ABI3BP: variants seen among roughly 807,000 people sequenced by gnomAD.
ABI3BP encodes ABI family member 3 binding protein, also known as target of Nesh-SH3.
ABI3BP carries 216 observed loss-of-function variants against 268.6 expected under a neutral mutation model. That is an observed-to-expected ratio of 0.80 (90% CI 0.72 to 0.90). ABI3BP has a LOEUF of 0.90. Ranked by LOEUF, ABI3BP falls within the 40% of genes least tolerant of loss-of-function variation. ABI3BP has a pLI of 0.00. For synonymous variants in ABI3BP, 730 were observed against 730.0 expected (o/e 1.00, Z 0.00); for missense variants, 2,090 against 2,182.4 (o/e 0.96, Z 0.84).
chr3:100,942,951 C>A (rs1584383011), intron 1 of ABI3BP, among the ~76,000 whole-genome samples: 2 of 152,138 alleles, frequency 1.3e-5, no homozygotes, highest in Admixed American at 1.3e-4. Flanking sequence ...TGTTAAATTT[C>A]CTATCATGAG....
rs190015981 is a variant in ABI3BP, at chr3:100,974,924, C to T, written c.79+18382G>A. On this transcript the variant is annotated intron_variant, in intron 1 of 67. Transcript: ENST00000471714. ...GACAGGAGCATTCTAGAAAGTGAAACCTGCCCAAGATGCTGTTTGAGATGT... is the reference window on the plus strand; with the variant it reads ...GACAGGAGCATTCTAGAAAGTGAAATCTGCCCAAGATGCTGTTTGAGATGT... 6.5e-3 allele frequency among the ~76,000 whole-genome samples: 993 copies of T among 152,192 alleles called. 12 individuals are homozygous for T. Among genetic ancestry groups the T allele is most frequent in the Middle Eastern group, 6.8e-3 (2 of 294 alleles).
intron 29 of ABI3BP, among the ~76,000 whole-genome samples, 177 bp from the exon 30 acceptor site, chr3:100,833,334 A>G (rs1017545846): frequency 2.6e-5 from 4 of 152,192 alleles, no homozygotes; most frequent in African/African-American, 9.6e-5. Flanking sequence ...TTTATGAAAC[A>G]GATATAACCT....
chr3:100,767,878 A>G (rs1396836093), intron 62 of ABI3BP, among the ~76,000 whole-genome samples: 1 of 152,138 alleles, frequency 6.6e-6, no homozygotes, highest in African/African-American at 2.4e-5. Flanking sequence ...TAAGATTCCA[A>G]TAGGAAAGGT....
intron 6 of ABI3BP, 138 bp from the exon 7 acceptor site, chr3:100,876,698 G>T: frequency 2.8e-6 from 2 of 704,460 alleles, no homozygotes; most frequent in South Asian, 1.8e-5. Flanking sequence ...AGTTGCTGGT[G>T]GCGGGGCGTG....
chr3:100,863,830 C>A, intron 12 of ABI3BP, 172 bp downstream of exon 12: 3 of 552,548 alleles, frequency 5.4e-6, no homozygotes, highest in East Asian at 2.9e-5. Context: ...AGAAAAACAA[C>A]CCAACCAAAC....
At chr3:100,879,435 GA>G (rs2099202676) in intron 6 of ABI3BP, among the ~76,000 whole-genome samples, 2 of 152,188 alleles carry the variant, frequency 1.3e-5, no homozygotes, top group East Asian at 3.8e-4. Flanking sequence ...ACGTTTTGTT[GA>G]ATGCGAAGTC....
intron 1 of ABI3BP, among the ~76,000 whole-genome samples, chr3:100,965,659 A>G (rs899425644): frequency 6.6e-5 from 10 of 152,020 alleles, no homozygotes; most frequent in Non-Finnish European, 1.2e-4. Flanking sequence ...GAATGGAATC[A>G]TGGTGTGTTA....
Position 100,838,453 on chromosome 3 carries a change from A to T in ABI3BP, c.1957T>A (p.Ser653Thr). The change falls in exon 25 of 68, where the codon TCT becomes ACT. Residue 653 changes from serine (S) to threonine (T), a missense_variant. By Grantham distance (58) the Ser-to-Thr change is moderately conservative. Transcript: ENST00000471714. ...PLVPTTASKP[S>T]ERPKTTHRPD... Reference sequence around the variant, plus strand: ...CTGTGTGTGGTTTTAGGTCTCTCAGATGGTTTTGAGGCTAAAGAAAAAGGT... The same window carrying T: ...CTGTGTGTGGTTTTAGGTCTCTCAGTTGGTTTTGAGGCTAAAGAAAAAGGT... 3 of 1,535,704 alleles carry T rather than the reference A, an allele frequency of 2.0e-6. No individual in the cohort carries two copies. The highest frequency in any genetic ancestry group is 1.4e-5 in the African/African-American group (1 of 73,132).
chr3:100,869,462 G>A (rs964112280), intron 9 of ABI3BP, among the ~76,000 whole-genome samples: 8 of 149,044 alleles, frequency 5.4e-5, no homozygotes, highest in Non-Finnish European at 1.0e-4. Flanking sequence ...CAATTCTCCT[G>A]CTTCTGCCTC....
At chr3:100,985,573 T>C (rs1373023818) in intron 1 of ABI3BP, among the ~76,000 whole-genome samples, 1 of 151,934 alleles carries the variant, frequency 6.6e-6, no homozygotes, top group African/African-American at 2.4e-5. Flanking sequence ...TAAAAGCGTT[T>C]TTTCTATTTT....
chr3:100,930,376 T>C (rs2063214926), intron 1 of ABI3BP, among the ~76,000 whole-genome samples: 1 of 151,994 alleles, frequency 6.6e-6, no homozygotes, highest in Admixed American at 6.6e-5. Flanking sequence ...AAAAATTGCA[T>C]ATTTGCAAAG....
intron 1 of ABI3BP, among the ~76,000 whole-genome samples, chr3:100,938,628 A>G (rs916065343): frequency 6.6e-6 from 1 of 152,164 alleles, no homozygotes; most frequent in Non-Finnish European, 1.5e-5. Flanking sequence ...ACAAGCTGAA[A>G]GTCAGTGATG....
chr3:100,864,547 G>A, intron 11 of ABI3BP: 1 of 371,916 alleles, frequency 2.7e-6, no homozygotes, highest in South Asian at 4.7e-5. Flanking sequence ...TTAAAAGGCT[G>A]GTATTCTGTC....
chr3:100,966,830 T>C lies in ABI3BP; in HGVS notation c.79+26476A>G, dbSNP rs139205592. 2.7e-3 allele frequency among the ~76,000 whole-genome samples: 406 copies of C among 152,300 alleles called. 1 individual carries two copies. Among genetic ancestry groups the C allele is most frequent in the African/African-American group, 9.3e-3 (386 of 41,570 alleles). On this transcript the variant is annotated intron_variant, in intron 1 of 67. Coordinates refer to ENST00000471714, the MANE Select transcript of ABI3BP (RefSeq NM_001375547.2). ...ATTCATGATTATGTCCCTAGGAGAC[T>C]ACATGCTACATCTCTGTACCACACC...
At chr3:100,771,852 T>A (rs764260409) in intron 61 of ABI3BP, among the ~76,000 whole-genome samples, 6 of 152,076 alleles carry the variant, frequency 3.9e-5, no homozygotes, top group Admixed American at 6.6e-5. Flanking sequence ...TAAGAAATAA[T>A]GGTCCCAAAT....
At chr3:100,830,140 TATATATATATATATATATATATATAA>T (rs2098464296) in intron 32 of ABI3BP, among the ~76,000 whole-genome samples, 1 of 62,170 alleles carries the variant, frequency 1.6e-5, no homozygotes, top group African/African-American at 4.6e-5. Flanking sequence ...TATATATATA[TATATATATATATATATATATATATAA>T]AATGCAGATA....
Position 100,850,703 on chromosome 3 carries a change from T to C in ABI3BP, c.1383A>G (p.Pro461=). 1 of 1,613,300 alleles carries C rather than the reference T, an allele frequency of 6.2e-7. No individual in the cohort carries two copies. The highest frequency in any genetic ancestry group is 8.5e-7 in the Non-Finnish European group (1 of 1,179,434). Reference sequence around the variant, plus strand: ...GTTCAAGAGTTCTAGAAGTTTTAGGTGGGATAGAATCCAGAATACGATCAC... The same window carrying C: ...GTTCAAGAGTTCTAGAAGTTTTAGGCGGGATAGAATCCAGAATACGATCAC... ...ATSDRILDSI[P]PKTSRTLEQP... Residue 461 remains proline, a synonymous_variant, in exon 16 of 68, where the codon CCA becomes CCG. Transcript: ENST00000471714.
intron 2 of ABI3BP, 40 bp from the exon 3 acceptor site, chr3:100,902,726 G>T: frequency 6.4e-7 from 1 of 1,571,286 alleles, no homozygotes; most frequent in South Asian, 1.1e-5. Context: ...AACCCTTTGA[G>T]AACCAGCATT....
intron 1 of ABI3BP, among the ~76,000 whole-genome samples, chr3:100,941,359 C>A (rs2069135155): frequency 6.6e-6 from 1 of 152,058 alleles, no homozygotes; most frequent in Admixed American, 6.6e-5. Flanking sequence ...CACACCCAAG[C>A]AATACCCATA....
Sources: allele counts gnomAD v4.1 joint callset (sites outside exome capture counted in the v4.1 genomes callset), GRCh38; gene constraint gnomAD v4.1.1; transcripts MANE v1.5; gene names NCBI Gene and HGNC (gene_info 2026-07-23, HGNC 2026-07-21).